The following ZFYVE9 variants were observed in gnomAD, a reference collection of about 807,000 sequenced individuals.
ZFYVE9 encodes zinc finger FYVE-type containing 9.
Under a neutral mutation model 126.7 loss-of-function variants are expected in ZFYVE9, and 43 were observed. The ratio of observed to expected loss-of-function variants is 0.34; its 90% CI spans 0.27 to 0.44. The LOEUF (loss-of-function observed/expected upper bound fraction) is 0.44, where lower values mean the gene tolerates loss of function less well. Ranked by LOEUF, ZFYVE9 falls within the 20% of genes least tolerant of loss-of-function variation. The pLI is 1.00. For missense variants in ZFYVE9, 1,476 were observed against 1,697.0 expected (o/e 0.87, Z 2.29); for synonymous variants, 521 against 597.4 (o/e 0.87, Z 1.87).
At chr1:52,254,206 T>G in intron 4 of ZFYVE9, 1 of 491,444 alleles carries the variant, frequency 2.0e-6, no homozygotes, top group Non-Finnish European at 3.6e-6. Context: ...TGGAAGTCAT[T>G]AAACGTATCT....
At chr1:52,316,603 AATAC>A (rs1646188050) in intron 13 of ZFYVE9, among the ~76,000 whole-genome samples, 2 of 152,226 alleles carry the variant, frequency 1.3e-5, no homozygotes, top group African/African-American at 2.4e-5. Context: ...GGGATAAAGA[AATAC>A]ATACCATATT....
intron 1 of ZFYVE9, among the ~76,000 whole-genome samples, chr1:52,175,827 A>G (rs1644621845): frequency 6.6e-6 from 1 of 152,092 alleles, no homozygotes; most frequent in African/African-American, 2.4e-5. Context: ...TTCTTCACGT[A>G]GTTCTCGAGC....
intron 1 of ZFYVE9, 68 bp from the exon 2 acceptor site, chr1:52,216,301 G>A (rs1645071957): frequency 7.5e-6 from 3 of 397,738 alleles, no homozygotes; most frequent in Non-Finnish European, 1.3e-5. Context: ...GGCTATGGTA[G>A]ATTTATATGA....
chr1:52,309,937 C>T (rs1646122498), intron 13 of ZFYVE9, among the ~76,000 whole-genome samples: 1 of 152,032 alleles, frequency 6.6e-6, no homozygotes, highest in African/African-American at 2.4e-5. Context: ...ATTAAAGATC[C>T]TTGTTGGTTA....
intron 4 of ZFYVE9, among the ~76,000 whole-genome samples, chr1:52,262,081 T>C (rs889405459): frequency 1.3e-5 from 2 of 152,142 alleles, no homozygotes; most frequent in Non-Finnish European, 2.9e-5. Flanking sequence ...TAACAGAGAT[T>C]TGTTACAGTC....
At chr1:52,290,953 C>T (rs1057251758) in intron 10 of ZFYVE9, among the ~76,000 whole-genome samples, 3 of 152,074 alleles carry the variant, frequency 2.0e-5, no homozygotes, top group African/African-American at 7.2e-5. Context: ...AGTAACTTGC[C>T]CCAGATCCCA....
At chr1:52,203,832 G>A (rs376577444) in intron 1 of ZFYVE9, among the ~76,000 whole-genome samples, 1 of 151,916 alleles carries the variant, frequency 6.6e-6, no homozygotes, top group Non-Finnish European at 1.5e-5. Flanking sequence ...CCTCAGTCAT[G>A]TCCTGTCTCC....
rs1646481651 is a variant in ZFYVE9, at chr1:52,346,124, G to A, written c.4181G>A (p.Ser1394Asn). Residue 1394 changes from serine to asparagine, a missense_variant, in exon 19 of 19, where the codon AGC becomes AAC. Ser to Asn is a conservative substitution (Grantham distance 46, BLOSUM62 1). Transcript: ENST00000287727. ...LPSQYMNDLD[S>N]ALVPVIHGGA... is the part of the protein sequence containing the mutation. ...TCGCAGTACATGAATGATCTGGACA[G>A]CGCCTTGGTGCCGGTGATCCATGGA... The A allele has an allele frequency of 1.2e-6, 2 of 1,613,586 alleles. No individual in the cohort carries two copies. The highest frequency in any genetic ancestry group is 8.5e-7 in the Non-Finnish European group (1 of 1,179,580).
intron 1 of ZFYVE9, among the ~76,000 whole-genome samples, chr1:52,180,975 CAAAAA>C (rs746468501): frequency 1.9e-5 from 1 of 53,284 alleles, no homozygotes; most frequent in Non-Finnish European, 3.8e-5. Flanking sequence ...AACTCCGTCT[CAAAAA>C]AAAAAAAAAA....
At chr1:52,275,638 T>C (rs533529532) in intron 8 of ZFYVE9, among the ~76,000 whole-genome samples, 3 of 152,150 alleles carry the variant, frequency 2.0e-5, no homozygotes, top group Non-Finnish European at 4.4e-5. Context: ...CTCTGATGAT[T>C]AGTGTGAAAT....
Position 52,268,550 on chromosome 1 carries a change from T to A in ZFYVE9, c.2543T>A (p.Met848Lys), listed in dbSNP as rs751695541. Residue 848 changes from methionine (M) to lysine (K), a missense_variant, in exon 7 of 19, where the codon ATG (methionine) becomes AAG (lysine). Coordinates refer to ENST00000287727, the MANE Select transcript of ZFYVE9 (RefSeq NM_004799.4). ...GEVADAAKLTMNGTSSAGTLA... is the reference protein window; with the variant it reads ...GEVADAAKLTKNGTSSAGTLA... Reference sequence around the variant, plus strand: ...GTTGCTGATGCAGCCAAATTAACAATGAATGGAACTTCCTCTGCAGGAACC... The same window carrying A: ...GTTGCTGATGCAGCCAAATTAACAAAGAATGGAACTTCCTCTGCAGGAACC... 3 of 1,614,162 alleles carry A rather than the reference T, an allele frequency of 1.9e-6. No individual in the cohort carries two copies. The highest frequency in any genetic ancestry group is 8.5e-7 in the Non-Finnish European group (1 of 1,180,010).
chr1:52,303,385 G>A (rs1430401853), intron 12 of ZFYVE9, among the ~76,000 whole-genome samples: 1 of 152,162 alleles, frequency 6.6e-6, no homozygotes, highest in African/African-American at 2.4e-5. Context: ...ATACTGGATA[G>A]ATGATGTGTT....
chr1:52,240,843 A>G (rs1159949171), intron 4 of ZFYVE9, among the ~76,000 whole-genome samples: 4 of 152,120 alleles, frequency 2.6e-5, no homozygotes, highest in South Asian at 2.1e-4. Flanking sequence ...ACCATAACCA[A>G]TTACAGGCAA....
Position 52,238,111 on chromosome 1 carries a change from A to T in ZFYVE9, c.694A>T (p.Thr232Ser). The T allele has an allele frequency of 1.2e-6, 2 of 1,614,096 alleles. No individual in the cohort carries two copies. The highest frequency in any genetic ancestry group is 1.7e-6 in the Non-Finnish European group (2 of 1,179,962). The change falls in exon 4 of 19, where the codon ACT becomes TCT. Residue 232 changes from threonine to serine, a missense_variant. By Grantham distance (58) the Thr-to-Ser change is moderately conservative. This residue lies in a region of ZFYVE9 where 807 missense variants were observed against 794.6 expected (regional missense o/e 1.02). Transcript: ENST00000287727. ...GAGATCTGTTAACCATCTGTGTCCT[A>T]CTTCATCTGATAGTCTAGCCAGTGT... ...EGRSVNHLCP[T>S]SSDSLASVCS...
chr1:52,219,866 C>T lies in ZFYVE9; in HGVS notation c.-37+3392C>T, dbSNP rs191469571. Among the ~76,000 whole-genome samples, 944 of 151,204 alleles carry T rather than the reference C, an allele frequency of 6.2e-3. 9 individuals are homozygous for T. The highest frequency in any genetic ancestry group is 0.021 in the African/African-American group (871 of 41,094). ...GATCTTGGCTCACTGCAACCTGCAC[C>T]TCCCAGGTTCAAGCAATTCTCCTGC... On this transcript the variant is annotated intron_variant, in intron 2 of 18. Coordinates refer to ENST00000287727, the MANE Select transcript of ZFYVE9 (RefSeq NM_004799.4).
chr1:52,214,153 G>A (rs569305263), intron 1 of ZFYVE9, among the ~76,000 whole-genome samples: 17 of 152,308 alleles, frequency 1.1e-4, no homozygotes, highest in African/African-American at 3.1e-4. Flanking sequence ...GTGGCCGGGC[G>A]CGGTGCCTCA....
chr1:52,171,623 A>C (rs565515455), intron 1 of ZFYVE9, among the ~76,000 whole-genome samples: 12 of 152,276 alleles, frequency 7.9e-5, no homozygotes, highest in African/African-American at 2.9e-4. Flanking sequence ...CCAACAGTGT[A>C]AAAGTGTTCC....
At chr1:52,289,597 A>AT (rs1319832070) in intron 10 of ZFYVE9, among the ~76,000 whole-genome samples, 4 of 152,228 alleles carry the variant, frequency 2.6e-5, no homozygotes, top group Non-Finnish European at 5.9e-5. Context: ...AAATTAGTAC[A>AT]TTACAGACTT....
At chr1:52,217,775 G>T (rs1645085737) in intron 2 of ZFYVE9, among the ~76,000 whole-genome samples, 1 of 152,160 alleles carries the variant, frequency 6.6e-6, no homozygotes, top group Admixed American at 6.5e-5. Context: ...AGGCTTTTAT[G>T]ATTGTCCCAT....
Sources: gnomAD v4.1 joint callset for allele counts (sites outside exome capture counted in the v4.1 genomes callset) on GRCh38, gnomAD v4.1.1 for gene constraint, gnomAD v4.1.1 regional missense constraint, MANE v1.5 for transcripts, NCBI Gene and HGNC (gene_info 2026-07-23, HGNC 2026-07-21) for gene names.